Variants in WWOX observed in about 807,000 individuals in gnomAD.
WWOX encodes WW domain containing oxidoreductase.
WWOX carries 69 observed loss-of-function variants against 46.2 expected under a neutral mutation model. That is an observed-to-expected ratio of 1.49 (90% CI 1.23 to 1.82). The LOEUF (loss-of-function observed/expected upper bound fraction) is 1.82. Ranked by LOEUF, WWOX falls within the 40% of genes most tolerant of loss-of-function variation. WWOX has a pLI of 0.00. For synonymous variants in WWOX, 359 were observed against 202.6 expected, an observed-to-expected ratio of 1.77 and a Z score of -6.56; for missense variants, 919 against 542.6, an observed-to-expected ratio of 1.69 and a Z score of -6.89.
intron 8 of WWOX, among the ~76,000 whole-genome samples, chr16:78,899,808 C>G (rs1048033956): frequency 6.6e-6 from 1 of 152,154 alleles, no homozygotes; most frequent in Non-Finnish European, 1.5e-5. Context: ...TGTGTTGTAG[C>G]TTGGAAAACT....
At chr16:78,311,073 C>G (rs1347938108) in intron 5 of WWOX, among the ~76,000 whole-genome samples, 1 of 152,138 alleles carries the variant, frequency 6.6e-6, no homozygotes, top group African/African-American at 2.4e-5. Context: ...CTCCCAGAAG[C>G]TATGGGGTAC....
At chr16:79,066,961 G>C (rs1315030650) in intron 8 of WWOX, among the ~76,000 whole-genome samples, 3 of 152,220 alleles carry the variant, frequency 2.0e-5, no homozygotes, top group Non-Finnish European at 1.5e-5. Flanking sequence ...AGATGGCAGA[G>C]ATGGCAGAGA....
At chr16:78,917,135 G>A (rs541674271) in intron 8 of WWOX, among the ~76,000 whole-genome samples, 2 of 152,250 alleles carry the variant, frequency 1.3e-5, no homozygotes, top group South Asian at 4.1e-4. Context: ...ACGTGGCTGG[G>A]ACAACATGCC....
At chr16:78,377,608 A>T (rs959086151) in intron 5 of WWOX, among the ~76,000 whole-genome samples, 3 of 152,342 alleles carry the variant, frequency 2.0e-5, no homozygotes, top group African/African-American at 7.2e-5. Context: ...CTCCTGTGTC[A>T]TTCACTGTCC....
At position 78,693,000 on chromosome 16, in the gene WWOX, C is replaced by T. The variant is rs369935751; in HGVS notation, c.1056+260248C>T. On this transcript the variant is annotated intron_variant, in intron 8 of 8. Coordinates refer to ENST00000566780, the MANE Select transcript of WWOX (RefSeq NM_016373.4). Reference sequence around the variant, plus strand: ...GCCTTTTGCTATGGGGTTGCATCCACGGAAGAGTTTGAAAGCCCAACCATA... The same window carrying T: ...GCCTTTTGCTATGGGGTTGCATCCATGGAAGAGTTTGAAAGCCCAACCATA... Among the ~76,000 whole-genome samples the T allele has an allele frequency of 1.7e-4, 26 of 152,284 alleles. 1 individual carries two copies. In the East Asian group the frequency reaches 3.7e-3, roughly 21 times the overall value.
intron 8 of WWOX, among the ~76,000 whole-genome samples, chr16:79,001,591 C>G (rs1021869070): frequency 2.6e-5 from 4 of 151,772 alleles, no homozygotes; most frequent in African/African-American, 9.7e-5. Flanking sequence ...GCCCCTTATA[C>G]ATTAAGGTGC....
At chr16:78,594,436 C>A (rs1210521986) in intron 8 of WWOX, among the ~76,000 whole-genome samples, 1 of 65,460 alleles carries the variant, frequency 1.5e-5, no homozygotes, top group East Asian at 5.4e-4. Context: ...AAGGCCCCCC[C>A]CCCCCCCCCG....
chr16:78,614,606 C>T (rs971309720), intron 8 of WWOX, among the ~76,000 whole-genome samples: 15 of 152,174 alleles, frequency 9.9e-5, no homozygotes, highest in African/African-American at 3.4e-4. Context: ...GGTCTTTGAG[C>T]TAGAGAGACA....
intron 8 of WWOX, among the ~76,000 whole-genome samples, chr16:78,926,535 A>T (rs748304952): frequency 6.6e-6 from 1 of 152,146 alleles, no homozygotes; most frequent in Non-Finnish European, 1.5e-5. Flanking sequence ...AGCCATTTAA[A>T]AACTTGTTTT....
At chr16:78,457,894 C>T (rs1197526556) in intron 8 of WWOX, among the ~76,000 whole-genome samples, 5 of 122,102 alleles carry the variant, frequency 4.1e-5, no homozygotes, top group Admixed American at 1.7e-4. Flanking sequence ...CCAGCCTGAG[C>T]GTGAGACTCT....
intron 8 of WWOX, among the ~76,000 whole-genome samples, chr16:79,057,468 A>G (rs979829185): frequency 6.6e-6 from 1 of 152,166 alleles, no homozygotes; most frequent in Non-Finnish European, 1.5e-5. Flanking sequence ...TTCTCATTAG[A>G]GTCTTTCTGT....
At chr16:78,293,809 C>G (rs924665184) in intron 5 of WWOX, among the ~76,000 whole-genome samples, 5 of 151,774 alleles carry the variant, frequency 3.3e-5, no homozygotes, top group African/African-American at 1.2e-4. Flanking sequence ...AACCCTGTCT[C>G]TACTAAAAAT....
intron 6 of WWOX, among the ~76,000 whole-genome samples, chr16:78,401,334 A>T (rs559452846): frequency 6.6e-6 from 1 of 152,232 alleles, no homozygotes; most frequent in South Asian, 2.1e-4. Flanking sequence ...TGAACCTAAT[A>T]TTTCTTAAAG....
At chr16:78,703,522 A>T (rs1162088489) in intron 8 of WWOX, among the ~76,000 whole-genome samples, 1 of 151,996 alleles carries the variant, frequency 6.6e-6, no homozygotes, top group Non-Finnish European at 1.5e-5. Flanking sequence ...GGGAGGCTGA[A>T]GCAGGAGGAT....
chr16:78,329,549 T>C (rs962842960), intron 5 of WWOX, among the ~76,000 whole-genome samples: 1 of 152,196 alleles, frequency 6.6e-6, no homozygotes. Flanking sequence ...TGAGGCCAAG[T>C]TGCAAGGTCT....
chr16:78,741,531 C>G (rs1176513893), intron 8 of WWOX, among the ~76,000 whole-genome samples: 3 of 151,862 alleles, frequency 2.0e-5, no homozygotes, highest in African/African-American at 7.3e-5. Flanking sequence ...GCACCCCAGC[C>G]TGGGCGACAG....
At chr16:78,891,381 G>C (rs2044587313) in intron 8 of WWOX, 1 of 152,060 alleles carries the variant, frequency 6.6e-6, no homozygotes, top group Non-Finnish European at 1.5e-5. Flanking sequence ...TTTTTATAAT[G>C]AGTTCCTGTT....
intron 8 of WWOX, among the ~76,000 whole-genome samples, chr16:78,952,425 C>G (rs957923439): frequency 8.6e-5 from 13 of 151,700 alleles, no homozygotes; most frequent in African/African-American, 2.7e-4. Flanking sequence ...CTCTGTCCCC[C>G]ACGCTGGAGT....
At chr16:78,728,052 TTC>T (rs1567519451) in intron 8 of WWOX, among the ~76,000 whole-genome samples, 14 of 103,570 alleles carry the variant, frequency 1.4e-4, no homozygotes, top group African/African-American at 6.7e-4. Flanking sequence ...CTCTCCCTCC[TTC>T]CTTTTTTTTT....
Sources: gnomAD v4.1 joint callset for allele counts (sites outside exome capture counted in the v4.1 genomes callset) on GRCh38, gnomAD v4.1.1 for gene constraint, MANE v1.5 for transcripts, NCBI Gene and HGNC (gene_info 2026-07-23, HGNC 2026-07-21) for gene names.